ZNF804A: variants seen among roughly 807,000 people sequenced by gnomAD.
ZNF804A encodes the protein zinc finger protein 804A.
A neutral mutation model predicts 16.5 loss-of-function variants in ZNF804A; 2 were observed. The ratio of observed to expected loss-of-function variants is 0.12; its 90% CI spans 0.05 to 0.38. The LOEUF (loss-of-function observed/expected upper bound fraction) is 0.38. Ranked by LOEUF, ZNF804A falls within the 10% of genes least tolerant of loss-of-function variation. The pLI is 0.99. For missense variants in ZNF804A, 1,473 were observed against 1,390.7 expected (o/e 1.06, Z -0.94); for synonymous variants, 534 against 489.6 (o/e 1.09, Z -1.20).
At chr2:184,640,414 C>T (rs1005534729) in intron 1 of ZNF804A, among the ~76,000 whole-genome samples, 1 of 151,748 alleles carries the variant, frequency 6.6e-6, no homozygotes, top group South Asian at 2.1e-4. Context: ...ATTCTATAAA[C>T]ATTTTACAAA....
chr2:184,727,035 A>G (rs1008956714), intron 1 of ZNF804A, among the ~76,000 whole-genome samples: 1 of 151,656 alleles, frequency 6.6e-6, no homozygotes, highest in Admixed American at 6.6e-5. Flanking sequence ...AACCAAAGTA[A>G]ACCTTATCTA....
intron 2 of ZNF804A, among the ~76,000 whole-genome samples, chr2:184,913,342 A>C (rs1685392944): frequency 6.6e-6 from 1 of 152,174 alleles, no homozygotes; most frequent in South Asian, 2.1e-4. Flanking sequence ...TTACCTATGT[A>C]GTTACCTTTA....
chr2:184,803,169 A>G (rs1694751451), intron 1 of ZNF804A, among the ~76,000 whole-genome samples: 1 of 152,194 alleles, frequency 6.6e-6, no homozygotes, highest in South Asian at 2.1e-4. Context: ...TCTTGAGCAT[A>G]TCAGGTACTT....
At chr2:184,630,130 A>T (rs1175226984) in intron 1 of ZNF804A, among the ~76,000 whole-genome samples, 1 of 152,144 alleles carries the variant, frequency 6.6e-6, no homozygotes, top group Non-Finnish European at 1.5e-5. Context: ...GGTCTCTGGT[A>T]CTGTAGCAGT....
intron 2 of ZNF804A, among the ~76,000 whole-genome samples, chr2:184,892,483 CTTTTTTTTTTTTTT>C (rs869292193): frequency 1.8e-4 from 19 of 105,708 alleles, no homozygotes; most frequent in African/African-American, 6.2e-4. Context: ...TTGTTGTGTT[CTTTTTTTTTTTTTT>C]TTTTTTTTAT....
chr2:184,827,228 T>C (rs2105793650), intron 1 of ZNF804A, among the ~76,000 whole-genome samples: 1 of 151,508 alleles, frequency 6.6e-6, no homozygotes, highest in Non-Finnish European at 1.5e-5. Context: ...ATAGATGAGA[T>C]ATATATGACT....
chr2:184,687,814 C>A (rs1472956834), intron 1 of ZNF804A, among the ~76,000 whole-genome samples: 2 of 152,076 alleles, frequency 1.3e-5, no homozygotes, highest in Admixed American at 6.5e-5. Context: ...TTTAGACAGG[C>A]CAAATGTGAA....
At position 184,599,142 on chromosome 2, in the gene ZNF804A, G is replaced by A. The variant is rs1179103023; in HGVS notation, c.111+72G>A. ...CATTTGGAAGATTGAGTTTTTGGAG[G>A]TTTTGAGATTCAGTTTGGTTTATAA... is the stretch of plus-strand genomic sequence containing the variant. On this transcript the variant is annotated intron_variant, in intron 1 of 3. Coordinates refer to ENST00000302277, the MANE Select transcript of ZNF804A (RefSeq NM_194250.2). The A allele has an allele frequency of 9.9e-6, 12 of 1,215,716 alleles. 1 individual carries two copies. The Middle Eastern group carries it at 7.6e-4, about 77-fold the overall frequency. The allele number at this position is 1,215,716 out of a possible 1,614,324, so 75.3% of individuals were successfully genotyped here. A position where few individuals can be genotyped will look rare whatever the true frequency, so the allele number is the denominator to read the frequency against.
chr2:184,731,546 C>T (rs1313639707), intron 1 of ZNF804A, among the ~76,000 whole-genome samples: 1 of 138,810 alleles, frequency 7.2e-6, no homozygotes, highest in Non-Finnish European at 1.6e-5. Flanking sequence ...AGTGAGATGT[C>T]TGTTAAGGTC....
At chr2:184,628,234 G>C (rs1383857022) in intron 1 of ZNF804A, among the ~76,000 whole-genome samples, 1 of 152,200 alleles carries the variant, frequency 6.6e-6, no homozygotes, top group East Asian at 1.9e-4. Flanking sequence ...ATAATCGCTT[G>C]AACTGGGGAG....
In ZNF804A at chr2:184,757,702, A is replaced by G. The variant is rs541783545; in HGVS notation, c.112-108667A>G. ...AAAAACACTGGCTAGTTCTGAAATT[A>G]TGTTTAATTTGTATTTTTTAAAATG... On this transcript the variant is annotated intron_variant, in intron 1 of 3. Transcript: ENST00000302277. Among the ~76,000 whole-genome samples the G allele has an allele frequency of 5.9e-4, 90 of 152,108 alleles. 1 individual carries two copies. In the South Asian group the frequency reaches 0.018, roughly 31 times the overall value.
intron 1 of ZNF804A, among the ~76,000 whole-genome samples, chr2:184,742,525 G>T (rs777416648): frequency 1.2e-4 from 18 of 151,814 alleles, no homozygotes; most frequent in Non-Finnish European, 2.4e-4. Context: ...AGATATTTTT[G>T]CATATTGTAT....
rs140038415 is a variant in ZNF804A at position 184,917,677 on chromosome 2, G to C, written c.256-15926G>C. Among the ~76,000 whole-genome samples the C allele has an allele frequency of 4.4e-4, 67 of 152,072 alleles. No homozygotes were observed. In the East Asian group the frequency reaches 0.013, roughly 29 times the overall value. ...ATAAATTAAACTATCATAGGTGTGT[G>C]TGTGTGTATATATATAGGAAAATAC... is the stretch of plus-strand genomic sequence containing the variant. On this transcript the variant is annotated intron_variant, in intron 2 of 3. Coordinates refer to ENST00000302277, the MANE Select transcript of ZNF804A (RefSeq NM_194250.2).
At chr2:184,867,260 C>A (rs1374405749) in intron 2 of ZNF804A, among the ~76,000 whole-genome samples, 5 of 152,040 alleles carry the variant, frequency 3.3e-5, no homozygotes, top group Admixed American at 2.6e-4. Flanking sequence ...TAACTTGATA[C>A]AATACACAGT....
At chr2:184,796,939 A>C (rs1191567348) in intron 1 of ZNF804A, among the ~76,000 whole-genome samples, 2 of 152,078 alleles carry the variant, frequency 1.3e-5, no homozygotes, top group African/African-American at 4.8e-5. Context: ...ATGGTTTTGA[A>C]TATTTTTTTG....
At position 184,907,627 on chromosome 2, in the gene ZNF804A, A is replaced by T. The variant is rs1367561379; in HGVS notation, c.256-25976A>T. 2.0e-5 allele frequency among the ~76,000 whole-genome samples: 3 copies of T among 152,262 alleles called. No individual in the cohort carries two copies. The East Asian group carries it at 5.8e-4, about 29-fold the overall frequency. ...AAGTTGTGTCTTGCCAGAAACAAGA[A>T]CTGTAACAAGTTTAACATACTCCTT... On this transcript the variant is annotated intron_variant, in intron 2 of 3. Transcript: ENST00000302277.
chr2:184,671,257 C>A (rs1324041635), intron 1 of ZNF804A, among the ~76,000 whole-genome samples: 1 of 152,190 alleles, frequency 6.6e-6, no homozygotes, highest in Non-Finnish European at 1.5e-5. Context: ...CCACTTTCAT[C>A]ATGTCTGCTC....
At chr2:184,845,552 G>A (rs1476926759) in intron 1 of ZNF804A, among the ~76,000 whole-genome samples, 1 of 152,046 alleles carries the variant, frequency 6.6e-6, no homozygotes, top group Non-Finnish European at 1.5e-5. Flanking sequence ...ATGGGGTCTG[G>A]ACTGGTAATA....
At chr2:184,779,864 A>G (rs1177902745) in intron 1 of ZNF804A, among the ~76,000 whole-genome samples, 6 of 151,754 alleles carry the variant, frequency 4.0e-5, no homozygotes, top group Admixed American at 1.3e-4. Flanking sequence ...ATCTTAAGCT[A>G]CTAAATTTTG....
Sources: gnomAD v4.1 joint callset for allele counts (sites outside exome capture counted in the v4.1 genomes callset) on GRCh38, gnomAD v4.1.1 for gene constraint, MANE v1.5 for transcripts, NCBI Gene and HGNC (gene_info 2026-07-23, HGNC 2026-07-21) for gene names.